ABCG8: variants seen among roughly 807,000 people sequenced by gnomAD.
The protein encoded by ABCG8 is ATP binding cassette subfamily G member 8.
In ABCG8, 81 loss-of-function variants were observed where a neutral mutation model predicts 71.3. The observed-to-expected ratio is 1.14, with a 90% confidence interval of 0.95 to 1.37. The LOEUF is 1.37. Ranked by LOEUF, ABCG8 falls within the 40% of genes most tolerant of loss-of-function variation. ABCG8 has a pLI of 0.00. For missense variants in ABCG8, 1,119 were observed against 866.2 expected (o/e 1.29, Z -3.66); for synonymous variants, 451 against 354.7 (o/e 1.27, Z -3.05).
intron 6 of ABCG8, among the ~76,000 whole-genome samples, chr2:43,867,314 T>G (rs1400150197): frequency 1.3e-5 from 2 of 150,688 alleles, no homozygotes; most frequent in African/African-American, 2.4e-5. Context: ...ACCTGCACAT[T>G]GTGCACATGT....
intron 10 of ABCG8, among the ~76,000 whole-genome samples, chr2:43,874,875 G>A (rs542659154): frequency 6.6e-6 from 1 of 152,300 alleles, no homozygotes; most frequent in South Asian, 2.1e-4. Flanking sequence ...GTCAGGGGGA[G>A]TAGGGACTTG....
Position 43,872,098 on chromosome 2 carries a change from G to T in ABCG8, c.1087G>T (p.Ala363Ser). 6.2e-7 allele frequency: 1 copy of T among 1,614,150 alleles called. No individual in the cohort carries two copies. The highest frequency in any genetic ancestry group is 8.5e-7 in the Non-Finnish European group (1 of 1,180,038). ...VRDLDDFLWKAETKDLDEDTC... is the reference protein window; with the variant it reads ...VRDLDDFLWKSETKDLDEDTC... The stretch of plus-strand genomic sequence containing the variant: ...TGACTTAGATGACTTTCTATGGAAA[G>T]CAGAGACGAAGGATCTTGACGAGGA... Residue 363 changes from alanine (A) to serine (S), a missense_variant, in exon 7 of 13, where the codon GCA becomes TCA. By Grantham distance (99) the Ala-to-Ser change is moderately conservative. Coordinates refer to ENST00000272286, the MANE Select transcript of ABCG8 (RefSeq NM_022437.3).
intron 6 of ABCG8, among the ~76,000 whole-genome samples, chr2:43,863,377 C>G (rs1669402106): frequency 6.6e-6 from 1 of 151,472 alleles, no homozygotes; most frequent in South Asian, 2.1e-4. Flanking sequence ...AGAATTCTCA[C>G]TCTCTAGATA....
At chr2:43,839,840 G>A (rs921631328) in intron 1 of ABCG8, among the ~76,000 whole-genome samples, 8 of 152,156 alleles carry the variant, frequency 5.3e-5, no homozygotes, top group Admixed American at 3.3e-4. Context: ...TGAAGTGATG[G>A]GTGAGACAGG....
At chr2:43,845,303 C>T (rs1572824508) in intron 2 of ABCG8, among the ~76,000 whole-genome samples, 2 of 152,006 alleles carry the variant, frequency 1.3e-5, no homozygotes, top group East Asian at 1.9e-4. Context: ...CTTCAGAGGC[C>T]TGAGTCTGGC....
At chr2:43,852,251 C>A (rs754956910) in intron 4 of ABCG8, 103 bp from the exon 5 acceptor site, 1 of 1,548,668 alleles carries the variant, frequency 6.5e-7, no homozygotes, top group Non-Finnish European at 8.8e-7. Flanking sequence ...CCTTCACTTT[C>A]AAACCCAGCC....
chr2:43,844,713 G>C lies in ABCG8; in HGVS notation c.165+105G>C, dbSNP rs4148213. On this transcript the variant is annotated intron_variant, in intron 2 of 12. Transcript: ENST00000272286. ...GGCCCAACTTGCAGGCCCTCTGCCC[G>C]CAAGGACAGAGTCCAGTCCACATTG... 0.42 allele frequency: 345,535 copies of C among 828,588 alleles called. 77,664 individuals carry two copies. The highest frequency in any genetic ancestry group is 0.85 in the East Asian group (31,952 of 37,620). 51.3% of individuals were successfully genotyped at this position (828,588 alleles called of 1,614,324 possible). A position where few individuals can be genotyped will look rare whatever the true frequency, so the allele number is the denominator to read the frequency against.
chr2:43,854,772 G>A (rs1376640545), intron 6 of ABCG8, among the ~76,000 whole-genome samples: 7 of 152,180 alleles, frequency 4.6e-5, no homozygotes, highest in African/African-American at 1.7e-4. Context: ...GGTATAGGGA[G>A]ATCCTGGCTG....
At chr2:43,848,277 T>C (rs1024971218) in intron 3 of ABCG8, 2 of 152,256 alleles carry the variant, frequency 1.3e-5, no homozygotes, top group African/African-American at 2.4e-5. Flanking sequence ...GCAGTATTTA[T>C]AGACAGAAAA....
chr2:43,842,130 G>C (rs915775971), intron 1 of ABCG8, among the ~76,000 whole-genome samples: 9 of 151,960 alleles, frequency 5.9e-5, no homozygotes, highest in African/African-American at 1.9e-4. Context: ...TCAACCTCTT[G>C]AGTAGGGTAG....
chr2:43,878,151 ACTCGGTGGCAC>A lies in ABCG8; in HGVS notation c.*241_*251del, dbSNP rs886210627. On this transcript the variant is annotated 3_prime_UTR_variant, in exon 13 of 13. Transcript: ENST00000272286. ...CTGCGATGACTGGGAGAAAACCTGC[ACTCGGTGGCAC>A]CTACAACGTTGCTAATTTATTTCCT... 27 of 587,912 alleles carry A rather than the reference ACTCGGTGGCAC, an allele frequency of 4.6e-5. No homozygotes were observed. The highest frequency in any genetic ancestry group is 7.8e-5 in the Non-Finnish European group (26 of 331,274). The allele number at this position is 587,912 out of a possible 1,614,324, so 36.4% of individuals were successfully genotyped here.
intron 10 of ABCG8, 111 bp from the exon 11 acceptor site, chr2:43,875,035 T>C: frequency 1.4e-6 from 2 of 1,480,218 alleles, no homozygotes; most frequent in Admixed American, 1.8e-5. Flanking sequence ...CACAGCCTCA[T>C]CATCACCAGG....
chr2:43,844,442 T>G lies in ABCG8; in HGVS notation c.64-65T>G. The G allele has an allele frequency of 6.6e-6, 9 of 1,373,642 alleles. No individual in the cohort carries two copies. In the South Asian group the frequency reaches 1.1e-4, roughly 16 times the overall value. 85.1% of individuals were successfully genotyped at this position (1,373,642 alleles called of 1,614,324 possible). A position where few individuals can be genotyped will look rare whatever the true frequency, so the allele number is the denominator to read the frequency against. On this transcript the variant is annotated intron_variant, in intron 1 of 12. Transcript: ENST00000272286. ...AGTTGCTCTCACCTGTTGGTTTCCT[T>G]CTTGTCTTCTCCTATGTTCTCAGCA...
chr2:43,878,109 T>C lies in ABCG8; in HGVS notation c.*196T>C. The C allele has an allele frequency of 4.0e-6, 3 of 756,900 alleles. No homozygotes were observed. The allele number at this position is 756,900 out of a possible 1,614,324, so 46.9% of individuals were successfully genotyped here. A position where few individuals can be genotyped will look rare whatever the true frequency, so the allele number is the denominator to read the frequency against. ...AATAAAGACAGTCGAAAGGGATTTC[T>C]GCTCACTGGCAGGAGACTGCGATGA... On this transcript the variant is annotated 3_prime_UTR_variant, in exon 13 of 13. Transcript: ENST00000272286.
chr2:43,839,915 G>A (rs1668514988), intron 1 of ABCG8, among the ~76,000 whole-genome samples: 1 of 152,192 alleles, frequency 6.6e-6, no homozygotes. Flanking sequence ...TAAGTTCTGC[G>A]AGAAAGCTGG....
intron 3 of ABCG8, 70 bp from the exon 4 acceptor site, chr2:43,851,512 TGG>T: frequency 1.3e-6 from 2 of 1,533,174 alleles, no homozygotes; most frequent in Non-Finnish European, 1.8e-6. Flanking sequence ...GGAGAGTGTA[TGG>T]GGAGCAGTGG....
chr2:43,860,984 C>T (rs1669297436), intron 6 of ABCG8, among the ~76,000 whole-genome samples: 1 of 151,390 alleles, frequency 6.6e-6, no homozygotes, highest in South Asian at 2.1e-4. Context: ...ATAGAACTCT[C>T]ACTATCCGGA....
rs1280035564 is a variant in ABCG8 at position 43,873,873 on chromosome 2, T to C, written c.1298T>C (p.Phe433Ser). 6.2e-7 allele frequency: 1 copy of C among 1,614,144 alleles called. No individual in the cohort carries two copies. Among genetic ancestry groups the C allele is most frequent in the Non-Finnish European group, 8.5e-7 (1 of 1,180,024 alleles). ...TGTCTGATGTCAATGACCATCGGCTTCCTCTATTTTGGCCATGGGAGCATC... is the reference window on the plus strand; with the variant it reads ...TGTCTGATGTCAATGACCATCGGCTCCCTCTATTTTGGCCATGGGAGCATC... ...EACLMSMTIG[F>S]LYFGHGSIQL... Residue 433 changes from phenylalanine to serine, a missense_variant, in exon 9 of 13, where the codon TTC (phenylalanine) becomes TCC (serine). Physicochemically the swap from Phe to Ser is radical, Grantham distance 155 (BLOSUM62 -2). Transcript: ENST00000272286.
At chr2:43,845,203 C>T (rs1668707416) in intron 2 of ABCG8, among the ~76,000 whole-genome samples, 2 of 151,576 alleles carry the variant, frequency 1.3e-5, no homozygotes, top group Admixed American at 1.3e-4. Flanking sequence ...TTCAGAGGCA[C>T]CCAGGAACCC....
Sources: allele counts gnomAD v4.1 joint callset (sites outside exome capture counted in the v4.1 genomes callset), GRCh38; gene constraint gnomAD v4.1.1; transcripts MANE v1.5; gene names NCBI Gene and HGNC (gene_info 2026-07-23, HGNC 2026-07-21).